Variants in INPP5A observed in about 807,000 individuals in gnomAD.
INPP5A encodes inositol polyphosphate-5-phosphatase A, also known as 43 kDa inositol polyphosphate 5-phophatase.
Under a neutral mutation model 65.2 loss-of-function variants are expected in INPP5A, and 14 were observed. The observed-to-expected ratio is 0.21, with a 90% CI of 0.14 to 0.34. The LOEUF (loss-of-function observed/expected upper bound fraction) is 0.34, where lower values mean the gene tolerates loss of function less well. Among genes scored for constraint, INPP5A ranks in the 10% least tolerant of loss-of-function variants. The pLI is 1.00. For synonymous variants in INPP5A, 207 were observed against 208.3 expected, an observed-to-expected ratio of 0.99 and a Z score of 0.05; for missense variants, 431 against 545.6, an observed-to-expected ratio of 0.79 and a Z score of 2.09.
chr10:132,719,173 TGCGG>T, intron 8 of INPP5A, among the ~76,000 whole-genome samples: 1 of 146,804 alleles, frequency 6.8e-6, no homozygotes, highest in African/African-American at 2.5e-5. Context: ...ACGGCTGTCT[TGCGG>T]GTTCTGTGGT....
intron 4 of INPP5A, among the ~76,000 whole-genome samples, chr10:132,672,742 G>A (rs377304359): frequency 1.3e-5 from 2 of 152,096 alleles, no homozygotes; most frequent in Admixed American, 6.5e-5. Context: ...CTTCAAAAAC[G>A]ACTTCCACTC....
intron 12 of INPP5A, among the ~76,000 whole-genome samples, chr10:132,775,542 T>A (rs1847050277): frequency 6.6e-6 from 1 of 152,112 alleles, no homozygotes; most frequent in Non-Finnish European, 1.5e-5. Flanking sequence ...CATTTCTCCC[T>A]GGGTGTTGGG....
chr10:132,554,009 G>A (rs2071090815), intron 1 of INPP5A, among the ~76,000 whole-genome samples: 1 of 151,042 alleles, frequency 6.6e-6, no homozygotes, highest in Admixed American at 6.6e-5. Context: ...TAGGGAGAGA[G>A]GATTGGTGAA....
chr10:132,726,985 T>TCC, intron 9 of INPP5A, 80 bp downstream of exon 9: 1 of 938,404 alleles, frequency 1.1e-6, no homozygotes. Flanking sequence ...CGTGGCCCCT[T>TCC]ACTGGCACTT....
intron 1 of INPP5A, among the ~76,000 whole-genome samples, chr10:132,577,575 A>G (rs2071425782): frequency 6.6e-6 from 1 of 152,204 alleles, no homozygotes; most frequent in South Asian, 2.1e-4. Context: ...TGAGCCCCCC[A>G]TGGGGTCAGG....
At chr10:132,729,964 C>T (rs540151925) in intron 9 of INPP5A, among the ~76,000 whole-genome samples, 19 of 152,338 alleles carry the variant, frequency 1.2e-4, no homozygotes, top group Middle Eastern at 3.4e-3. Context: ...CACTCCAGGG[C>T]GAGTGAGCAC....
Position 132,781,890 on chromosome 10 carries a change from C to T in INPP5A, c.1188C>T (p.Pro396=), listed in dbSNP as rs374546402. Residue 396 remains proline, a synonymous_variant, in exon 15 of 16, where the codon CCC becomes CCT. Coordinates refer to ENST00000368594, the MANE Select transcript of INPP5A (RefSeq NM_005539.5). Reference sequence around the variant, plus strand: ...TGTTCCTGGCCTTCCGAATCATGCCCGGGGCAGGTAAACCTCATGCCCATG... The same window carrying T: ...TGTTCCTGGCCTTCCGAATCATGCCTGGGGCAGGTAAACCTCATGCCCATG... ...KPVFLAFRIM[P]GAGKPHAHVH... 1.5e-5 allele frequency: 25 copies of T among 1,613,724 alleles called. No individual in the cohort carries two copies. The highest frequency in any genetic ancestry group is 1.2e-4 in the Admixed American group (7 of 60,008).
At chr10:132,701,434 C>G (rs1171380344) in intron 6 of INPP5A, among the ~76,000 whole-genome samples, 1 of 152,246 alleles carries the variant, frequency 6.6e-6, no homozygotes, top group Admixed American at 6.5e-5. Flanking sequence ...AGTTCCCGCA[C>G]ACAGCCTGGG....
At chr10:132,567,423 G>GGT (rs1324241922) in intron 1 of INPP5A, among the ~76,000 whole-genome samples, 3 of 152,232 alleles carry the variant, frequency 2.0e-5, no homozygotes, top group Admixed American at 6.5e-5. Context: ...TGGGATTACA[G>GGT]GTGTGAGCTG....
At chr10:132,580,917 G>A (rs1421678941) in intron 1 of INPP5A, among the ~76,000 whole-genome samples, 1 of 152,196 alleles carries the variant, frequency 6.6e-6, no homozygotes, top group Non-Finnish European at 1.5e-5. Context: ...ATTATACACA[G>A]CAAAATATAC....
intron 3 of INPP5A, among the ~76,000 whole-genome samples, chr10:132,648,141 G>A (rs899879418): frequency 5.3e-5 from 8 of 152,254 alleles, no homozygotes; most frequent in African/African-American, 1.9e-4. Flanking sequence ...TCAGTAAGTC[G>A]GTAAGAGAAG....
intron 4 of INPP5A, among the ~76,000 whole-genome samples, chr10:132,681,116 C>T (rs1039558385): frequency 5.9e-5 from 9 of 151,928 alleles, no homozygotes; most frequent in Non-Finnish European, 1.0e-4. Context: ...AGCTGGGCTC[C>T]TGAGTCTGGT....
chr10:132,774,809 G>A (rs1847017141), intron 12 of INPP5A, among the ~76,000 whole-genome samples: 2 of 148,170 alleles, frequency 1.3e-5, no homozygotes, highest in Admixed American at 1.3e-4. Context: ...GGAGAGAGGG[G>A]CAGGGAGGAG....
At chr10:132,719,472 G>A (rs1336408580) in intron 8 of INPP5A, among the ~76,000 whole-genome samples, 3 of 143,010 alleles carry the variant, frequency 2.1e-5, no homozygotes, top group Non-Finnish European at 3.0e-5. Context: ...ACCTTAGACG[G>A]CTGTCTTGCG....
intron 2 of INPP5A, among the ~76,000 whole-genome samples, chr10:132,643,373 C>G (rs559060284): frequency 6.6e-6 from 1 of 152,150 alleles, no homozygotes; most frequent in South Asian, 2.1e-4. Flanking sequence ...TGGGGACTCA[C>G]ACCTGTAGTC....
chr10:132,658,667 G>C (rs1015146214), intron 4 of INPP5A, among the ~76,000 whole-genome samples: 3 of 152,130 alleles, frequency 2.0e-5, no homozygotes, highest in Admixed American at 6.5e-5. Context: ...GGGTGCCCGG[G>C]TGTCTGCAAG....
chr10:132,712,706 G>A (rs542577692), intron 8 of INPP5A, among the ~76,000 whole-genome samples: 1 of 151,652 alleles, frequency 6.6e-6, no homozygotes, highest in South Asian at 2.1e-4. Context: ...ATGTGTGGGT[G>A]CATGTGAGTG....
At chr10:132,544,271 C>T (rs945370715) in intron 1 of INPP5A, among the ~76,000 whole-genome samples, 1 of 152,232 alleles carries the variant, frequency 6.6e-6, no homozygotes. Context: ...CTCTGCCGCT[C>T]CGGCCAGAGC....
rs374701634 is a variant in INPP5A at position 132,743,448 on chromosome 10, A to T, written c.733-6069A>T. ...ACCCACCAGCGCTGCACTCAGCCCC[A>T]GCAGGGACCAGGCCTGGGAGTGAGG... On this transcript the variant is annotated intron_variant, in intron 9 of 15. Coordinates refer to ENST00000368594, the MANE Select transcript of INPP5A (RefSeq NM_005539.5). Among the ~76,000 whole-genome samples, 57 of 150,466 alleles carry T rather than the reference A, an allele frequency of 3.8e-4. No homozygotes were observed. The South Asian group carries it at 0.012, about 32-fold the overall frequency.
Sources: gnomAD v4.1 joint callset for allele counts (sites outside exome capture counted in the v4.1 genomes callset) on GRCh38, gnomAD v4.1.1 for gene constraint, MANE v1.5 for transcripts, NCBI Gene and HGNC (gene_info 2026-07-23, HGNC 2026-07-21) for gene names.